Variants in CYFIP1 observed in about 807,000 individuals in gnomAD.
The protein encoded by CYFIP1 is cytoplasmic FMR1 interacting protein 1, also known as cytoplasmic FMR1-interacting protein 1.
In CYFIP1, 58 loss-of-function variants were observed where a neutral mutation model predicts 163.5. That is an observed-to-expected ratio of 0.35 (90% confidence interval 0.29 to 0.44). CYFIP1 has a LOEUF of 0.44. CYFIP1 is among the 20% of genes least tolerant of loss of function. The pLI is 1.00. For missense variants in CYFIP1, 1,338 were observed against 1,653.8 expected (o/e 0.81, Z 3.31); for synonymous variants, 663 against 660.7 (o/e 1.00, Z -0.05).
Position 22,918,941 on chromosome 15 carries a change from C to T in CYFIP1, c.1360-83G>A, listed in dbSNP as rs1566972229. The T allele has an allele frequency of 8.0e-6, 9 of 1,127,646 alleles. No individual in the cohort carries two copies. The East Asian group carries it at 1.5e-4, about 19-fold the overall frequency. The allele number at this position is 1,127,646 out of a possible 1,614,324, so 69.9% of individuals were successfully genotyped here. On this transcript the variant is annotated intron_variant, in intron 13 of 30. Coordinates refer to ENST00000617928, the MANE Select transcript of CYFIP1 (RefSeq NM_014608.6). ...TGCCTGGCACATGCCGGGGGCTGCT[C>T]CTCCTCGCCCACAGCACCTTACGCC...
chr15:22,921,299 T>A (rs1010316100), intron 13 of CYFIP1, among the ~76,000 whole-genome samples: 3 of 151,368 alleles, frequency 2.0e-5, no homozygotes, highest in Admixed American at 2.0e-4. Flanking sequence ...AACTGGGAGG[T>A]GGAGGTTGCA....
At chr15:22,913,240 A>G (rs997711204) in intron 17 of CYFIP1, among the ~76,000 whole-genome samples, 1 of 150,844 alleles carries the variant, frequency 6.6e-6, no homozygotes, top group Non-Finnish European at 1.5e-5. Flanking sequence ...GGAAAAGAAC[A>G]AAGGTGGACT....
At chr15:22,885,988 G>T (rs2059916501) in intron 23 of CYFIP1, among the ~76,000 whole-genome samples, 1 of 152,158 alleles carries the variant, frequency 6.6e-6, no homozygotes, top group Non-Finnish European at 1.5e-5. Flanking sequence ...AAGGAAAGAG[G>T]TTTAACTGAC....
intron 12 of CYFIP1, among the ~76,000 whole-genome samples, chr15:22,926,895 A>T (rs1290372930): frequency 1.3e-5 from 2 of 152,208 alleles, no homozygotes; most frequent in Non-Finnish European, 2.9e-5. Flanking sequence ...AAGGACAAAT[A>T]TTTATGGCGA....
chr15:22,939,508 CT>C lies in CYFIP1; in HGVS notation c.570-2del. On this transcript the variant is annotated splice_acceptor_variant, in intron 6 of 30. Transcript: ENST00000617928. LOFTEE classifies it high-confidence loss of function. ...CATTTTACGTAAAAACTGAGCGGCCCTTTGAAAACAAAAAGAATTCATCCCA... is the reference window on the plus strand; with the variant it reads ...CATTTTACGTAAAAACTGAGCGGCCCTTGAAAACAAAAAGAATTCATCCCA... 1 of 1,574,466 alleles carries C rather than the reference CT, an allele frequency of 6.4e-7. No individual in the cohort carries two copies. Among genetic ancestry groups the C allele is most frequent in the Non-Finnish European group, 8.6e-7 (1 of 1,160,500 alleles).
Position 22,905,620 on chromosome 15 carries a change from T to C in CYFIP1, c.2389-1715A>G, listed in dbSNP as rs535135326. On this transcript the variant is annotated intron_variant, in intron 21 of 30. Coordinates refer to ENST00000617928, the MANE Select transcript of CYFIP1 (RefSeq NM_014608.6). ...TGCCTGGTTAATTTATTGTATTTTT[T>C]AGTAGAGACGGGGTTTACCATGGTG... 2.6e-5 allele frequency among the ~76,000 whole-genome samples: 4 copies of C among 152,020 alleles called. No homozygotes were observed. In the East Asian group the frequency reaches 5.8e-4, roughly 22 times the overall value.
chr15:22,893,022 A>G, intron 22 of CYFIP1, 45 bp from the exon 23 acceptor site: 1 of 1,433,446 alleles, frequency 7.0e-7, no homozygotes, highest in East Asian at 2.3e-5. Context: ...CAAATTTAAC[A>G]ATAGTTCTTT....
chr15:22,872,432 T>C (rs1298275633), intron 30 of CYFIP1, among the ~76,000 whole-genome samples: 1 of 152,126 alleles, frequency 6.6e-6, no homozygotes, highest in Non-Finnish European at 1.5e-5. Flanking sequence ...GGCTGAAATA[T>C]TTCAAAGATA....
chr15:22,948,845 C>T (rs1360070038), intron 1 of CYFIP1, among the ~76,000 whole-genome samples: 1 of 144,182 alleles, frequency 6.9e-6, no homozygotes, highest in Non-Finnish European at 1.5e-5. Context: ...ATTCAGTGAA[C>T]TTGAAGATAG....
chr15:22,877,057 T>A (rs2059607091), intron 26 of CYFIP1, among the ~76,000 whole-genome samples: 1 of 152,082 alleles, frequency 6.6e-6, no homozygotes, highest in South Asian at 2.1e-4. Flanking sequence ...AGGCTATGGT[T>A]TGGATGTGGT....
intron 23 of CYFIP1, among the ~76,000 whole-genome samples, chr15:22,890,868 A>C (rs1290826323): frequency 6.6e-6 from 1 of 152,030 alleles, no homozygotes; most frequent in Non-Finnish European, 1.5e-5. Context: ...AACAGCCTCG[A>C]GAACGCGGAG....
At chr15:22,948,389 G>A (rs1313112108) in intron 1 of CYFIP1, among the ~76,000 whole-genome samples, 2 of 152,186 alleles carry the variant, frequency 1.3e-5, no homozygotes, top group African/African-American at 4.8e-5. Context: ...AGGAGGCTGT[G>A]AAGCCAGAAT....
chr15:22,869,215 C>T lies in CYFIP1; in HGVS notation c.*813G>A, dbSNP rs1007601404. 10 of 152,240 alleles carry T rather than the reference C, an allele frequency of 6.6e-5. 1 individual carries two copies. Among genetic ancestry groups the T allele is most frequent in the African/African-American group, 2.4e-4 (10 of 41,416 alleles). The allele number at this position is 152,240 out of a possible 1,614,324, so 9.4% of individuals were successfully genotyped here. On this transcript the variant is annotated 3_prime_UTR_variant, in exon 31 of 31. Transcript: ENST00000617928. ...GTCATGGGCACAGGTAACAGAGAGGCACTGAGTAGCCTCTTCATATCCAGA... is the reference window on the plus strand; with the variant it reads ...GTCATGGGCACAGGTAACAGAGAGGTACTGAGTAGCCTCTTCATATCCAGA...
intron 10 of CYFIP1, 90 bp downstream of exon 10, chr15:22,933,712 T>C: frequency 6.6e-6 from 6 of 907,006 alleles, no homozygotes; most frequent in South Asian, 1.5e-5. Flanking sequence ...TTAACAGTGT[T>C]ATCTCTAGAC....
At chr15:22,971,402 A>T (rs1369903645) in intron 1 of CYFIP1, among the ~76,000 whole-genome samples, 1 of 151,516 alleles carries the variant, frequency 6.6e-6, no homozygotes, top group Non-Finnish European at 1.5e-5. Flanking sequence ...GCTGGGCGTG[A>T]TGGCTCATGC....
intron 13 of CYFIP1, among the ~76,000 whole-genome samples, chr15:22,923,240 T>C (rs1579821): frequency 0.25 from 37,320 of 151,990 alleles, 4,720 homozygotes; most frequent in Non-Finnish European, 0.28. Flanking sequence ...ATATTTAGAA[T>C]GTATAAGGAA....
At chr15:22,972,907 A>G (rs2063148070) in intron 1 of CYFIP1, among the ~76,000 whole-genome samples, 1 of 152,068 alleles carries the variant, frequency 6.6e-6, no homozygotes, top group South Asian at 2.1e-4. Flanking sequence ...AGGCTGAGGC[A>G]GGAGGATCAC....
intron 1 of CYFIP1, among the ~76,000 whole-genome samples, chr15:22,963,551 TAACATAAGAA>T (rs750070783): frequency 3.8e-5 from 5 of 130,842 alleles, no homozygotes; most frequent in African/African-American, 1.4e-4. Context: ...TAACATAACA[TAACATAAGAA>T]AGAATGAAAT....
At chr15:22,980,618 A>G (rs907964984), upstream of CYFIP1, among the ~76,000 whole-genome samples, 13 of 151,686 alleles carry the variant, frequency 8.6e-5, no homozygotes, top group African/African-American at 2.9e-4. Flanking sequence ...GTCGGAGCGG[A>G]GCGGGCGTGG....
Sources: gnomAD v4.1 joint callset for allele counts (sites outside exome capture counted in the v4.1 genomes callset) on GRCh38, gnomAD v4.1.1 for gene constraint, MANE v1.5 for transcripts, NCBI Gene and HGNC (gene_info 2026-07-23, HGNC 2026-07-21) for gene names.